ACOXL: variants seen among roughly 807,000 people sequenced by gnomAD.
The protein encoded by ACOXL is acyl-CoA oxidase like.
ACOXL carries 70 observed loss-of-function variants against 71.9 expected under a neutral mutation model. That is an observed-to-expected ratio of 0.97 (90% CI 0.80 to 1.19). ACOXL has a LOEUF of 1.19. ACOXL is among the 50% of genes most tolerant of loss of function. The probability of loss-of-function intolerance (pLI) is 0.00; values close to 1 mark genes in which losing one functional copy is unlikely to be tolerated. For synonymous variants in ACOXL, 253 were observed against 281.6 expected, an observed-to-expected ratio of 0.90 and a Z score of 1.02; for missense variants, 703 against 736.3, an observed-to-expected ratio of 0.95 and a Z score of 0.52.
chr2:110,939,053 G>T (rs2149360990), intron 12 of ACOXL, among the ~76,000 whole-genome samples: 1 of 152,270 alleles, frequency 6.6e-6, no homozygotes, highest in South Asian at 2.1e-4. Context: ...GGGAGCATGA[G>T]AAATTATTGT....
chr2:111,110,410 A>G (rs2069862465), intron 17 of ACOXL, among the ~76,000 whole-genome samples: 1 of 152,224 alleles, frequency 6.6e-6, no homozygotes, highest in Non-Finnish European at 1.5e-5. Context: ...GCGCAGCTCC[A>G]AAGTCTATGC....
chr2:110,784,235 A>G (rs1573497828), intron 2 of ACOXL, among the ~76,000 whole-genome samples: 1 of 152,222 alleles, frequency 6.6e-6, no homozygotes. Context: ...CAGCCTGGGC[A>G]ACATAGCGAG....
intron 10 of ACOXL, among the ~76,000 whole-genome samples, chr2:110,900,086 TACACACAC>T (rs60758688): frequency 0.014 from 1,984 of 143,254 alleles, 32 homozygotes; most frequent in East Asian, 0.07. Flanking sequence ...CACACACACA[TACACACAC>T]ACACACACAC....
rs751910305 is a variant in ACOXL at position 110,794,071 on chromosome 2, TC to T, written c.247-3del. The T allele has an allele frequency of 1.5e-5, 24 of 1,613,904 alleles. No homozygotes were observed. Among genetic ancestry groups the T allele is most frequent in the Non-Finnish European group, 1.7e-5 (20 of 1,179,942 alleles). On this transcript the variant is annotated splice_polypyrimidine_tract_variant and splice_region_variant and intron_variant, in intron 4 of 17. Coordinates refer to ENST00000439055, the MANE Select transcript of ACOXL (RefSeq NM_001142807.4). ...AATTCCCTTCTAACATCTGGTAAAC[TC>T]CAGGAGCAGAAATACACTGGGATGT...
chr2:111,028,390 C>G (rs1472779427), intron 14 of ACOXL, among the ~76,000 whole-genome samples: 1 of 151,794 alleles, frequency 6.6e-6, no homozygotes, highest in Non-Finnish European at 1.5e-5. Flanking sequence ...CCTCCCACCT[C>G]AGCCCTCTGA....
At chr2:110,930,100 C>A (rs947639958) in intron 11 of ACOXL, among the ~76,000 whole-genome samples, 1 of 152,214 alleles carries the variant, frequency 6.6e-6, no homozygotes, top group African/African-American at 2.4e-5. Context: ...TGACAGCTTG[C>A]ACCATGCACC....
At chr2:110,748,504 T>A (rs1678522570) in intron 1 of ACOXL, among the ~76,000 whole-genome samples, 1 of 152,208 alleles carries the variant, frequency 6.6e-6, no homozygotes, top group Admixed American at 6.5e-5. Context: ...CCCGGCTGAG[T>A]GACTTCACAA....
At position 111,118,392 on chromosome 2, in the gene ACOXL, G is replaced by A. The variant is rs1425317295; in HGVS notation, c.*576G>A. On this transcript the variant is annotated 3_prime_UTR_variant, in exon 18 of 18. Transcript: ENST00000439055. The stretch of plus-strand genomic sequence containing the variant: ...GAAGGAAGTGGGAGCCTAGAGTTTT[G>A]CTCTCGGCAAAACAAGAACTCGGCT... Among the ~76,000 whole-genome samples the A allele has an allele frequency of 6.6e-6, 1 of 152,204 alleles. No individual in the cohort carries two copies. The highest frequency in any genetic ancestry group is 1.5e-5 in the Non-Finnish European group (1 of 68,044).
chr2:110,767,229 C>T (rs1045454520), intron 1 of ACOXL, among the ~76,000 whole-genome samples: 1 of 152,190 alleles, frequency 6.6e-6, no homozygotes, highest in Non-Finnish European at 1.5e-5. Context: ...CAAAGAGGAA[C>T]CTCTCCTCCT....
chr2:110,905,059 G>A (rs2059390814), intron 10 of ACOXL, among the ~76,000 whole-genome samples: 2 of 152,142 alleles, frequency 1.3e-5, no homozygotes, highest in Admixed American at 1.3e-4. Context: ...AGCATCAGAG[G>A]CACATGGTTA....
At chr2:110,819,235 G>A (rs557913834) in intron 9 of ACOXL, among the ~76,000 whole-genome samples, 1 of 152,314 alleles carries the variant, frequency 6.6e-6, no homozygotes, top group African/African-American at 2.4e-5. Context: ...ATAATGAAGG[G>A]ATTTGGTTGC....
intron 9 of ACOXL, among the ~76,000 whole-genome samples, chr2:110,818,767 C>T (rs1371868244): frequency 6.6e-6 from 1 of 151,986 alleles, no homozygotes; most frequent in Admixed American, 6.5e-5. Flanking sequence ...AATTCCTTCC[C>T]TTGAGGGGTT....
intron 10 of ACOXL, among the ~76,000 whole-genome samples, chr2:110,870,974 G>A (rs907034468): frequency 1.3e-5 from 2 of 152,120 alleles, no homozygotes; most frequent in African/African-American, 2.4e-5. Context: ...GGCTTAAATC[G>A]TCCCAGTGTT....
intron 1 of ACOXL, among the ~76,000 whole-genome samples, chr2:110,743,784 C>T (rs1192601803): frequency 6.6e-6 from 1 of 152,216 alleles, no homozygotes; most frequent in East Asian, 1.9e-4. Context: ...GTGGTGCCTT[C>T]CGGAGCTGCC....
At chr2:110,825,313 C>T (rs2105559126) in intron 9 of ACOXL, among the ~76,000 whole-genome samples, 1 of 152,150 alleles carries the variant, frequency 6.6e-6, no homozygotes, top group South Asian at 2.1e-4. Context: ...GCTTTCAGGG[C>T]AAAAATCAGG....
intron 10 of ACOXL, among the ~76,000 whole-genome samples, chr2:110,903,442 A>G (rs2059323274): frequency 6.6e-6 from 1 of 152,270 alleles, no homozygotes; most frequent in African/African-American, 2.4e-5. Context: ...TTTAAATGGC[A>G]TCATTCACAG....
intron 2 of ACOXL, among the ~76,000 whole-genome samples, chr2:110,768,738 A>T (rs75530431): frequency 0.028 from 4,180 of 151,968 alleles, 188 homozygotes; most frequent in African/African-American, 0.094. Flanking sequence ...GCGCCTATTG[A>T]TTTCTTCTTT....
At position 111,042,795 on chromosome 2, in the gene ACOXL, C is replaced by T. The variant is rs367761079; in HGVS notation, c.1370-6423C>T. Among the ~76,000 whole-genome samples, 10 of 152,062 alleles carry T rather than the reference C, an allele frequency of 6.6e-5. No individual in the cohort carries two copies. In the East Asian group the frequency reaches 1.5e-3, roughly 24 times the overall value. ...CCCTGGAGGGAAAGTTTCCTGGCTT[C>T]GGGGGATGCGGTGCTTTGGAGAAAG... On this transcript the variant is annotated intron_variant, in intron 15 of 17. Coordinates refer to ENST00000439055, the MANE Select transcript of ACOXL (RefSeq NM_001142807.4).
chr2:110,878,793 C>T (rs757085686), intron 10 of ACOXL, among the ~76,000 whole-genome samples: 27 of 151,214 alleles, frequency 1.8e-4, no homozygotes, highest in Non-Finnish European at 2.7e-4. Flanking sequence ...GGCACGGTGG[C>T]TCACACCTGT....
Sources: allele counts gnomAD v4.1 joint callset (sites outside exome capture counted in the v4.1 genomes callset), GRCh38; gene constraint gnomAD v4.1.1; transcripts MANE v1.5; gene names NCBI Gene and HGNC (gene_info 2026-07-23, HGNC 2026-07-21).